NAV1: variants seen among roughly 807,000 people sequenced by gnomAD.
The protein encoded by NAV1 is pore membrane and/or filament interacting like protein 3.
NAV1 carries 18 observed loss-of-function variants against 175.2 expected under a neutral mutation model. The ratio of observed to expected loss-of-function variants is 0.10; its 90% CI spans 0.07 to 0.15. The LOEUF (loss-of-function observed/expected upper bound fraction) is 0.15. Ranked by LOEUF, NAV1 falls within the 10% of genes least tolerant of loss-of-function variation. The pLI is 1.00. For missense variants in NAV1, 1,731 were observed against 2,436.6 expected (o/e 0.71, Z 6.10); for synonymous variants, 897 against 978.7 (o/e 0.92, Z 1.56).
intron 2 of NAV1, among the ~76,000 whole-genome samples, chr1:201,635,512 G>C (rs971487567): frequency 2.0e-5 from 3 of 152,106 alleles, no homozygotes; most frequent in African/African-American, 4.8e-5. Flanking sequence ...TGATCTACAT[G>C]GTGGCCCTGG....
intron 15 of NAV1, among the ~76,000 whole-genome samples, chr1:201,800,690 G>T (rs1305428493): frequency 6.6e-6 from 1 of 152,044 alleles, no homozygotes; most frequent in African/African-American, 2.4e-5. Flanking sequence ...ATCCGCAGAG[G>T]TAAGAACTGC....
chr1:201,572,354 T>TTTTC (rs1180663457), intron 1 of NAV1, among the ~76,000 whole-genome samples: 6 of 150,546 alleles, frequency 4.0e-5, no homozygotes, highest in Admixed American at 6.6e-5. Context: ...TTCTAATTTC[T>TTTTC]TTTCTTTCTT....
At chr1:201,655,498 C>G (rs1669369532) in intron 1 of NAV1, among the ~76,000 whole-genome samples, 1 of 152,202 alleles carries the variant, frequency 6.6e-6, no homozygotes, top group African/African-American at 2.4e-5. Context: ...CCTGCGTGGG[C>G]AGGTTCCCTC....
chr1:201,555,944 A>G (rs1471900062), intron 1 of NAV1, among the ~76,000 whole-genome samples: 2 of 152,038 alleles, frequency 1.3e-5, no homozygotes, highest in Non-Finnish European at 2.9e-5. Flanking sequence ...CCAAGAGAAC[A>G]GTCTGTGGAA....
intron 2 of NAV1, among the ~76,000 whole-genome samples, chr1:201,612,952 C>CCT (rs2102258090): frequency 6.6e-6 from 1 of 152,184 alleles, no homozygotes; most frequent in East Asian, 1.9e-4. Context: ...TTCTCTCTTG[C>CCT]CTGAGGTGAA....
chr1:201,739,391 C>T (rs1673258037), intron 3 of NAV1: 1 of 152,288 alleles, frequency 6.6e-6, no homozygotes, highest in Non-Finnish European at 1.5e-5. Flanking sequence ...CCACATCCCT[C>T]CACGGACCTT....
In NAV1 at chr1:201,782,901, GTTTGC is replaced by G; in HGVS notation, c.2357+37_2357+41del. 1 of 1,521,816 alleles carries G rather than the reference GTTTGC, an allele frequency of 6.6e-7. No homozygotes were observed. The highest frequency in any genetic ancestry group is 8.8e-7 in the Non-Finnish European group (1 of 1,131,144). The allele number at this position is 1,521,816 out of a possible 1,614,324, so 94.3% of individuals were successfully genotyped here. ...AATGTGGGCAGCCGCCTCCTTGTCT[GTTTGC>G]TTTGTCATTCTTTCGCATATCTCTG... is the stretch of plus-strand genomic sequence containing the variant. On this transcript the variant is annotated intron_variant, in intron 6 of 29. Coordinates refer to ENST00000367296, the Ensembl canonical transcript of NAV1. This position sits in a 1 kb window ranked among gnomAD's most constrained non-coding sequence, Gnocchi z 5.4.
At chr1:201,559,104 G>T (rs540053388) in intron 1 of NAV1, among the ~76,000 whole-genome samples, 2 of 152,286 alleles carry the variant, frequency 1.3e-5, no homozygotes, top group East Asian at 1.9e-4. Flanking sequence ...CACAAGGATT[G>T]AAGGAGATAA....
Position 201,574,824 on chromosome 1 carries a change from C to A in NAV1, c.-143-13715C>A, listed in dbSNP as rs912863787. Among the ~76,000 whole-genome samples, 4 of 152,212 alleles carry A rather than the reference C, an allele frequency of 2.6e-5. No individual in the cohort carries two copies. The East Asian group carries it at 7.7e-4, about 29-fold the overall frequency. On this transcript the variant is annotated intron_variant, in intron 1 of 33. Coordinates refer to the NAV1 transcript ENST00000685211. ...TCCTCTGCACAGACAGATTCAGTGT[C>A]TCAGGTGGAAGGAAGGAGAGCTGCG...
At chr1:201,606,300 C>T (rs1667674252) in intron 2 of NAV1, among the ~76,000 whole-genome samples, 1 of 152,184 alleles carries the variant, frequency 6.6e-6, no homozygotes, top group South Asian at 2.1e-4. Context: ...AAACAGGGGG[C>T]TACCTGGTCT....
At chr1:201,822,886 C>G (rs1244032508) in exon 30 of NAV1, 1 of 152,636 alleles carries the variant, frequency 6.6e-6, no homozygotes, top group Admixed American at 6.5e-5. Flanking sequence ...GCTATAACCC[C>G]TTGGGACACT....
At chr1:201,703,171 A>G (rs1173687287) in intron 1 of NAV1, among the ~76,000 whole-genome samples, 1 of 152,110 alleles carries the variant, frequency 6.6e-6, no homozygotes, top group Non-Finnish European at 1.5e-5. Context: ...ACTTCTTTGG[A>G]GCAGGGTGTC....
At chr1:201,597,831 C>T (rs754039312) in intron 2 of NAV1, among the ~76,000 whole-genome samples, 3 of 152,216 alleles carry the variant, frequency 2.0e-5, no homozygotes, top group East Asian at 1.9e-4. Context: ...CCCAGTGTGA[C>T]GAGGTGAGGC....
chr1:201,590,689 A>C (rs1667162136), intron 2 of NAV1, among the ~76,000 whole-genome samples: 1 of 152,176 alleles, frequency 6.6e-6, no homozygotes, highest in Non-Finnish European at 1.5e-5. Context: ...CGGGGCCAGG[A>C]GTCAGAGCAT....
chr1:201,621,262 G>A (rs1263620033), upstream of NAV1, among the ~76,000 whole-genome samples: 2 of 150,734 alleles, frequency 1.3e-5, no homozygotes, highest in Non-Finnish European at 3.0e-5. Flanking sequence ...ATATTGATTT[G>A]GTAGAGCTCC....
chr1:201,781,993 A>T lies in NAV1; in HGVS notation c.1664-183A>T, dbSNP rs1676353816. 2.0e-5 allele frequency among the ~76,000 whole-genome samples: 3 copies of T among 152,002 alleles called. No homozygotes were observed. In the South Asian group the frequency reaches 6.2e-4, roughly 32 times the overall value. On this transcript the variant is annotated intron_variant, in intron 5 of 29. Transcript: ENST00000367296. ...AATTCCTAGCCTCCCCACCCCTCCCAGCCAGAGTCTTTCAGACAAGAAACT... is the reference window on the plus strand; with the variant it reads ...AATTCCTAGCCTCCCCACCCCTCCCTGCCAGAGTCTTTCAGACAAGAAACT...
At chr1:201,620,153 G>T (rs1169066131), upstream of NAV1, among the ~76,000 whole-genome samples, 1 of 152,194 alleles carries the variant, frequency 6.6e-6, no homozygotes, top group African/African-American at 2.4e-5. Flanking sequence ...AGACCACAGA[G>T]TCAAAGGTCA....
intron 5 of NAV1, among the ~76,000 whole-genome samples, chr1:201,781,873 A>G (rs1484314652): frequency 6.6e-6 from 1 of 151,894 alleles, no homozygotes; most frequent in Non-Finnish European, 1.5e-5. Flanking sequence ...CCCTTCCACA[A>G]CTAGTTGTTA....
chr1:201,572,156 G>T (rs537711487), intron 1 of NAV1, among the ~76,000 whole-genome samples: 2 of 152,254 alleles, frequency 1.3e-5, no homozygotes, highest in South Asian at 2.1e-4. Context: ...TCATGGGATA[G>T]CGAGGAAACT....
Sources: allele counts gnomAD v4.1 joint callset (sites outside exome capture counted in the v4.1 genomes callset), GRCh38; gene constraint gnomAD v4.1.1; non-coding constraint Gnocchi (gnomAD v3.1); transcripts MANE v1.5; gene names NCBI Gene and HGNC (gene_info 2026-07-23, HGNC 2026-07-21).